ANK2: variants seen among roughly 807,000 people sequenced by gnomAD.
ANK2 encodes the protein ankyrin 2, also known as ankyrin-2.
In ANK2, 83 loss-of-function variants were observed where a neutral mutation model predicts 360.5. The ratio of observed to expected loss-of-function variants is 0.23; its 90% CI spans 0.19 to 0.28. The LOEUF is 0.28. ANK2 is among the 10% of genes least tolerant of loss of function. ANK2 has a pLI of 1.00. For missense variants in ANK2, 4,201 were observed against 4,795.7 expected (o/e 0.88, Z 3.66); for synonymous variants, 1,740 against 1,759.5 (o/e 0.99, Z 0.28).
intron 4 of ANK2, among the ~76,000 whole-genome samples, chr4:113,216,656 G>C (rs1342313104): frequency 6.6e-6 from 1 of 152,090 alleles, no homozygotes; most frequent in African/African-American, 2.4e-5. Context: ...TCAGTTTTTG[G>C]GGGTACATTT....
intron 2 of ANK2, among the ~76,000 whole-genome samples, chr4:112,949,595 A>T (rs1446043183): frequency 6.6e-6 from 1 of 152,212 alleles, no homozygotes; most frequent in Admixed American, 6.5e-5. Flanking sequence ...TGTAAATGAC[A>T]TTGGAATATC....
intron 1 of ANK2, among the ~76,000 whole-genome samples, chr4:112,877,280 C>T (rs1156977091): frequency 2.6e-5 from 4 of 152,168 alleles, no homozygotes; most frequent in African/African-American, 7.2e-5. Flanking sequence ...GAATGCCCAC[C>T]ACAATAATTA....
intron 2 of ANK2, among the ~76,000 whole-genome samples, chr4:112,915,515 C>G (rs2089440200): frequency 1.3e-5 from 2 of 151,926 alleles, no homozygotes. Flanking sequence ...CTTTGGGAGG[C>G]CGAGTTGGGT....
At chr4:112,928,471 G>A (rs1447864765) in intron 2 of ANK2, among the ~76,000 whole-genome samples, 2 of 151,994 alleles carry the variant, frequency 1.3e-5, no homozygotes, top group African/African-American at 4.8e-5. Flanking sequence ...AATCATAATT[G>A]TTACTGGCTG....
chr4:113,142,264 T>A (rs971870272), intron 1 of ANK2, among the ~76,000 whole-genome samples: 1 of 152,194 alleles, frequency 6.6e-6, no homozygotes, highest in Non-Finnish European at 1.5e-5. Flanking sequence ...CACCCAAGCT[T>A]CTGTGCCAGA....
the ANK2 span, among the ~76,000 whole-genome samples, chr4:112,773,259 G>A: frequency 2.0e-5 from 3 of 152,158 alleles, no homozygotes; most frequent in African/African-American, 7.2e-5. Flanking sequence ...TGGGGCTGTG[G>A]TGAGCCGTGA....
the ANK2 span, among the ~76,000 whole-genome samples, chr4:112,800,886 CTCAGGTAA>C: frequency 6.6e-6 from 1 of 152,116 alleles, no homozygotes; most frequent in Admixed American, 6.6e-5. Flanking sequence ...AACTCCTGAC[CTCAGGTAA>C]TCCACCCACC....
intron 2 of ANK2, among the ~76,000 whole-genome samples, chr4:112,919,219 T>C (rs1036578878): frequency 6.6e-6 from 1 of 152,166 alleles, no homozygotes; most frequent in Non-Finnish European, 1.5e-5. Context: ...AGTGAAGACT[T>C]GTAGCAGTTA....
At position 113,236,906 on chromosome 4, in the gene ANK2, G is replaced by T. The variant is rs1222876263; in HGVS notation, c.484-81G>T. The stretch of plus-strand genomic sequence containing the variant: ...TTGGTTGTCAATCTTGATCATTAAA[G>T]ATTAGAGGCATCATTGCTTAGAACT... On this transcript the variant is annotated intron_variant, in intron 5 of 45. Coordinates refer to ENST00000357077, the MANE Select transcript of ANK2 (RefSeq NM_001148.6). 2.7e-5 allele frequency: 37 copies of T among 1,382,916 alleles called. No individual in the cohort carries two copies. The Admixed American group carries it at 4.6e-4, about 17-fold the overall frequency. 85.7% of individuals were successfully genotyped at this position (1,382,916 alleles called of 1,614,324 possible).
chr4:113,050,866 A>G (rs1047773535), intron 1 of ANK2, among the ~76,000 whole-genome samples: 2 of 152,208 alleles, frequency 1.3e-5, no homozygotes, highest in African/African-American at 2.4e-5. Flanking sequence ...CTAGTGTACT[A>G]AATGTTTTAT....
At chr4:113,064,380 A>G (rs1416266394) in intron 1 of ANK2, among the ~76,000 whole-genome samples, 1 of 152,170 alleles carries the variant, frequency 6.6e-6, no homozygotes, top group Non-Finnish European at 1.5e-5. Flanking sequence ...CGTATTTACC[A>G]TACGCAGGTG....
intron 1 of ANK2, among the ~76,000 whole-genome samples, chr4:113,058,268 C>T (rs529746249): frequency 7.9e-5 from 12 of 152,054 alleles, no homozygotes; most frequent in South Asian, 6.2e-4. Context: ...GGGTCTGTGT[C>T]GATACTAAAA....
At chr4:113,144,303 C>T (rs891874620) in intron 1 of ANK2, among the ~76,000 whole-genome samples, 3 of 152,056 alleles carry the variant, frequency 2.0e-5, no homozygotes, top group South Asian at 4.2e-4. Context: ...AAAAAAGCAG[C>T]GTGGGGCCCT....
the ANK2 span, among the ~76,000 whole-genome samples, chr4:112,753,765 G>A: frequency 6.6e-6 from 1 of 152,006 alleles, no homozygotes; most frequent in South Asian, 2.1e-4. Flanking sequence ...TGTCTAAAAG[G>A]GGAGGCATGA....
intron 1 of ANK2, among the ~76,000 whole-genome samples, chr4:112,824,080 G>T (rs540348947): frequency 3.3e-5 from 5 of 152,228 alleles, no homozygotes; most frequent in African/African-American, 1.2e-4. Context: ...GAGTTTCCTT[G>T]TAAAAATTGT....
chr4:113,219,435 G>A (rs890627243), intron 4 of ANK2, among the ~76,000 whole-genome samples: 1 of 151,610 alleles, frequency 6.6e-6, no homozygotes, highest in East Asian at 1.9e-4. Context: ...ATGTGATATG[G>A]TGAGCAGCAC....
At chr4:113,374,690 T>C (rs946238431) in intron 45 of ANK2, 1 of 953,172 alleles carries the variant, frequency 1.0e-6, no homozygotes, top group Non-Finnish European at 1.3e-6. Context: ...CCTTTGTTTT[T>C]TAACATAGAA....
At chr4:113,088,734 G>A (rs76065429) in intron 1 of ANK2, among the ~76,000 whole-genome samples, 3 of 151,942 alleles carry the variant, frequency 2.0e-5, no homozygotes, top group South Asian at 2.1e-4. Flanking sequence ...TGAATCCACC[G>A]AACTGTCACA....
the ANK2 span, among the ~76,000 whole-genome samples, chr4:112,744,951 G>A: frequency 6.6e-6 from 1 of 152,158 alleles, no homozygotes; most frequent in East Asian, 1.9e-4. Flanking sequence ...GTGAATGTCT[G>A]TTGACAGTCT....
Sources: allele counts gnomAD v4.1 joint callset (sites outside exome capture counted in the v4.1 genomes callset), GRCh38; gene constraint gnomAD v4.1.1; transcripts MANE v1.5; gene names NCBI Gene and HGNC (gene_info 2026-07-23, HGNC 2026-07-21).